Variants in ROBO1 observed in about 807,000 individuals in gnomAD.
The protein encoded by ROBO1 is roundabout homolog 1.
A neutral mutation model predicts 195.9 loss-of-function variants in ROBO1; 149 were observed. The observed-to-expected ratio is 0.76, with a 90% CI of 0.67 to 0.87. The LOEUF is 0.87. ROBO1 is among the 40% of genes least tolerant of loss of function. The pLI, the probability that ROBO1 is intolerant of heterozygous loss-of-function variation, is 0.00. For synonymous variants in ROBO1, 816 were observed against 733.2 expected (o/e 1.11, Z -1.82); for missense variants, 1,933 against 2,068.3 (o/e 0.93, Z 1.27).
At chr3:79,537,158 C>G (rs1002746034) in intron 2 of ROBO1, among the ~76,000 whole-genome samples, 1 of 150,578 alleles carries the variant, frequency 6.6e-6, no homozygotes, top group African/African-American at 2.5e-5. Flanking sequence ...ATACAGAGAA[C>G]CTGAGAGATT....
intron 2 of ROBO1, among the ~76,000 whole-genome samples, chr3:79,381,282 A>C (rs1575750924): frequency 6.8e-6 from 1 of 146,526 alleles, no homozygotes; most frequent in Non-Finnish European, 1.5e-5. Context: ...GCTTGAACCC[A>C]TGAGGCAGAG....
At chr3:79,246,857 G>C (rs1272550597) in intron 2 of ROBO1, among the ~76,000 whole-genome samples, 1 of 151,920 alleles carries the variant, frequency 6.6e-6, no homozygotes, top group Non-Finnish European at 1.5e-5. Context: ...ATAAATTAAA[G>C]CTAAATATAA....
intron 4 of ROBO1, among the ~76,000 whole-genome samples, chr3:78,830,314 C>T (rs2032040822): frequency 6.6e-6 from 1 of 152,178 alleles, no homozygotes; most frequent in African/African-American, 2.4e-5. Flanking sequence ...CATATTACTT[C>T]ATGACTTGAA....
chr3:79,757,487 TTCTCTCTC>T (rs368104447), intron 1 of ROBO1, among the ~76,000 whole-genome samples: 9 of 145,490 alleles, frequency 6.2e-5, no homozygotes, highest in African/African-American at 2.2e-4. Context: ...CTTTCTTTCT[TTCTCTCTC>T]TCTCTCTCTC....
rs747105329 is a variant in ROBO1 at position 78,614,830 on chromosome 3, C to G, written c.4283-30G>C. On this transcript the variant is annotated intron_variant, in intron 27 of 30. Transcript: ENST00000464233. ...GGAGAAAAAAAAAAAAAATCCAAGC[C>G]AAACTCATCAGTGAATTTTAATTAC... is the stretch of plus-strand genomic sequence containing the variant. 2.0e-6 allele frequency: 3 copies of G among 1,538,342 alleles called. No homozygotes were observed. The African/African-American group carries it at 4.2e-5, about 21-fold the overall frequency.
At chr3:78,742,972 A>G (rs990463394) in intron 5 of ROBO1, among the ~76,000 whole-genome samples, 5 of 152,208 alleles carry the variant, frequency 3.3e-5, no homozygotes, top group African/African-American at 1.2e-4. Context: ...CTAGTTCACT[A>G]TATGATACAT....
chr3:78,685,831 C>G lies in ROBO1; in HGVS notation c.1257G>C (p.Gln419His). The change falls in exon 10 of 31, where the codon CAG becomes CAC. Residue 419 changes from glutamine (Q) to histidine (H), a missense_variant. By Grantham distance (24) the Gln-to-His change is conservative. Around this residue, in one of 3 missense-constraint regions of ROBO1, gnomAD observed 1,737 missense variants for 1,882.5 expected, o/e 0.92. Transcript: ENST00000464233. ...QTGDLTITNV[Q>H]RSDVGYYICQ... is the part of the protein sequence containing the mutation. The stretch of plus-strand genomic sequence containing the variant: ...AGATGTAATAACCAACATCAGATCG[C>G]TGGACATTAGTAATTGTGAGGTCGC... 6 of 1,611,762 alleles carry G rather than the reference C, an allele frequency of 3.7e-6. No individual in the cohort carries two copies. In the East Asian group the frequency reaches 1.3e-4, roughly 36 times the overall value.
chr3:78,611,831 A>G (rs1559644004), intron 28 of ROBO1, among the ~76,000 whole-genome samples: 1 of 152,310 alleles, frequency 6.6e-6, no homozygotes, highest in South Asian at 2.1e-4. Context: ...GGACACACAC[A>G]TACACTGGGG....
At chr3:78,813,954 G>A (rs2084822482) in intron 4 of ROBO1, among the ~76,000 whole-genome samples, 1 of 151,950 alleles carries the variant, frequency 6.6e-6, no homozygotes, top group Admixed American at 6.6e-5. Flanking sequence ...ATTCACTCAG[G>A]TAAATGTTCT....
intron 22 of ROBO1, among the ~76,000 whole-genome samples, chr3:78,637,564 A>T (rs1705598087): frequency 6.6e-6 from 1 of 152,178 alleles, no homozygotes; most frequent in South Asian, 2.1e-4. Flanking sequence ...ACTATATTTT[A>T]TTAAATTCAA....
intron 1 of ROBO1, among the ~76,000 whole-genome samples, chr3:79,766,532 G>A (rs1290000667): frequency 1.3e-5 from 2 of 151,862 alleles, no homozygotes; most frequent in African/African-American, 4.8e-5. Context: ...CGAGACCTCA[G>A]GGCGCGTGGC....
chr3:79,480,980 T>C (rs905242604), intron 2 of ROBO1, among the ~76,000 whole-genome samples: 2 of 152,130 alleles, frequency 1.3e-5, no homozygotes, highest in African/African-American at 2.4e-5. Flanking sequence ...CCTCCATACA[T>C]TTCCTATTTT....
chr3:79,595,379 A>G (rs1944133548), intron 1 of ROBO1, among the ~76,000 whole-genome samples: 1 of 152,220 alleles, frequency 6.6e-6, no homozygotes, highest in East Asian at 1.9e-4. Context: ...TTCGTATTAC[A>G]TAAGAGAACA....
At chr3:79,330,730 T>C (rs1454546248) in intron 2 of ROBO1, among the ~76,000 whole-genome samples, 1 of 151,734 alleles carries the variant, frequency 6.6e-6, no homozygotes, top group African/African-American at 2.4e-5. Context: ...TGAAATCTTG[T>C]TTTTCGTAGA....
intron 2 of ROBO1, among the ~76,000 whole-genome samples, chr3:79,215,120 C>T (rs2082032673): frequency 6.6e-6 from 1 of 152,002 alleles, no homozygotes; most frequent in Non-Finnish European, 1.5e-5. Context: ...TCATTGAGTG[C>T]TAATGAATCA....
chr3:79,445,873 C>A (rs982435939), intron 2 of ROBO1, among the ~76,000 whole-genome samples: 1 of 152,030 alleles, frequency 6.6e-6, no homozygotes, highest in Non-Finnish European at 1.5e-5. Context: ...AGTATGGTCG[C>A]GATCTCCTGA....
intron 4 of ROBO1, among the ~76,000 whole-genome samples, chr3:78,832,652 A>C (rs2032334372): frequency 6.6e-6 from 1 of 152,232 alleles, no homozygotes; most frequent in Non-Finnish European, 1.5e-5. Context: ...GTAGTAGGTT[A>C]ATATCAGGAG....
At chr3:79,250,658 TA>T (rs910530447) in intron 2 of ROBO1, among the ~76,000 whole-genome samples, 7 of 152,094 alleles carry the variant, frequency 4.6e-5, no homozygotes. Context: ...CAAAAGAATA[TA>T]AAAAATGATA....
chr3:79,350,376 A>T (rs778710127), intron 2 of ROBO1, among the ~76,000 whole-genome samples: 1 of 152,210 alleles, frequency 6.6e-6, no homozygotes, highest in Non-Finnish European at 1.5e-5. Flanking sequence ...TGACTTTGAA[A>T]ACCACTGTCC....
Sources: gnomAD v4.1 joint callset for allele counts (sites outside exome capture counted in the v4.1 genomes callset) on GRCh38, gnomAD v4.1.1 for gene constraint, gnomAD v4.1.1 regional missense constraint, MANE v1.5 for transcripts, NCBI Gene and HGNC (gene_info 2026-07-23, HGNC 2026-07-21) for gene names.